CAMTA1: variants seen among roughly 807,000 people sequenced by gnomAD.
The protein encoded by CAMTA1 is calmodulin-binding transcription activator 1.
In CAMTA1, 27 loss-of-function variants were observed where a neutral mutation model predicts 170.9. The observed-to-expected ratio is 0.16, with a 90% confidence interval of 0.12 to 0.22. The LOEUF (loss-of-function observed/expected upper bound fraction) is 0.22, where lower values mean the gene tolerates loss of function less well. Among genes scored for constraint, CAMTA1 ranks in the 10% least tolerant of loss-of-function variants. The pLI, the probability that CAMTA1 is intolerant of heterozygous loss-of-function variation, is 1.00. For missense variants in CAMTA1, 1,619 were observed against 2,217.2 expected (o/e 0.73, Z 5.42); for synonymous variants, 833 against 891.5 (o/e 0.93, Z 1.17).
rs1263076927 is a variant in CAMTA1 at position 7,661,745 on chromosome 1, C to T, written c.684C>T (p.Thr228=). 1 of 1,614,038 alleles carries T rather than the reference C, an allele frequency of 6.2e-7. No individual in the cohort carries two copies. The highest frequency in any genetic ancestry group is 1.7e-5 in the Admixed American group (1 of 60,030). The part of the protein sequence containing the change: ...LKPMFHGIKW[T]CSNGNSSSGF... The stretch of plus-strand genomic sequence containing the variant: ...TCACAGTCCATGGCATCAAGTGGAC[C>T]TGCAGCAATGGGAACAGCAGCTCAG... Residue 228 remains threonine (T), a synonymous_variant, in exon 8 of 23, where the codon ACC becomes ACT. Transcript: ENST00000303635.
intron 5 of CAMTA1, among the ~76,000 whole-genome samples, chr1:7,429,004 A>C (rs2149351303): frequency 6.6e-6 from 1 of 152,334 alleles, no homozygotes; most frequent in South Asian, 2.1e-4. Context: ...AGCACCTCTA[A>C]TGGACGCCTC....
At position 7,738,923 on chromosome 1, in the gene CAMTA1, G is replaced by A. The variant is rs2096790339; in HGVS notation, c.4182+441G>A. On this transcript the variant is annotated intron_variant, in intron 16 of 22. Coordinates refer to ENST00000303635, the MANE Select transcript of CAMTA1 (RefSeq NM_015215.4). This position sits in a 1 kb window ranked among gnomAD's most constrained non-coding sequence, Gnocchi z 4.9. The stretch of plus-strand genomic sequence containing the variant: ...CCTTGATCGGCATAGCTATCATCTA[G>A]CCATTGTAAAGGGCATATATGGCGT... Among the ~76,000 whole-genome samples, 2 of 152,186 alleles carry A rather than the reference G, an allele frequency of 1.3e-5. No individual in the cohort carries two copies. The highest frequency in any genetic ancestry group is 4.8e-5 in the African/African-American group (2 of 41,450).
intron 6 of CAMTA1, among the ~76,000 whole-genome samples, chr1:7,499,860 GTATAT>G (rs1167449039): frequency 6.8e-6 from 1 of 147,252 alleles, no homozygotes. Context: ...GTACATGAGT[GTATAT>G]AGAGGATTGT....
chr1:7,316,804 G>A (rs1677580046), intron 5 of CAMTA1, among the ~76,000 whole-genome samples: 1 of 152,140 alleles, frequency 6.6e-6, no homozygotes, highest in Non-Finnish European at 1.5e-5. Flanking sequence ...AAGATGCTCT[G>A]GGGGAGGCCT....
At chr1:7,118,202 A>G (rs1197693133) in intron 4 of CAMTA1, among the ~76,000 whole-genome samples, 1 of 150,808 alleles carries the variant, frequency 6.6e-6, no homozygotes, top group African/African-American at 2.4e-5. Context: ...TCTTCTTGTC[A>G]CCTGAGGGCA....
chr1:7,090,901 G>A (rs1172544868), intron 3 of CAMTA1, among the ~76,000 whole-genome samples: 1 of 152,218 alleles, frequency 6.6e-6, no homozygotes, highest in African/African-American at 2.4e-5. Flanking sequence ...TGACAGAGAT[G>A]AAAGATTCGT....
chr1:6,830,460 C>T (rs931098398), intron 3 of CAMTA1, among the ~76,000 whole-genome samples: 5 of 151,390 alleles, frequency 3.3e-5, no homozygotes, highest in African/African-American at 1.2e-4. Flanking sequence ...TCTCCTGCCT[C>T]AGCCTCCTGT....
chr1:7,215,066 A>G (rs1452660098), intron 4 of CAMTA1, among the ~76,000 whole-genome samples: 1 of 152,094 alleles, frequency 6.6e-6, no homozygotes, highest in Non-Finnish European at 1.5e-5. Context: ...TGATAACTGT[A>G]GCTATATAAT....
chr1:7,545,137 T>C (rs2094673306), intron 6 of CAMTA1, among the ~76,000 whole-genome samples: 2 of 152,334 alleles, frequency 1.3e-5, no homozygotes, highest in Non-Finnish European at 2.9e-5. Context: ...GCTTATGCCG[T>C]TATTTTTGTT....
chr1:7,655,363 C>A (rs1266865098), intron 7 of CAMTA1, among the ~76,000 whole-genome samples: 1 of 149,886 alleles, frequency 6.7e-6, no homozygotes, highest in Non-Finnish European at 1.5e-5. Flanking sequence ...CTTAAACAAA[C>A]ACACCCACCT....
At chr1:7,550,204 T>A (rs2094780028) in intron 6 of CAMTA1, among the ~76,000 whole-genome samples, 1 of 152,080 alleles carries the variant, frequency 6.6e-6, no homozygotes, top group African/African-American at 2.4e-5. Flanking sequence ...AATCCACAGC[T>A]CCCAGAGTGG....
intron 3 of CAMTA1, among the ~76,000 whole-genome samples, chr1:6,835,739 A>G (rs553610317): frequency 6.6e-6 from 1 of 152,336 alleles, no homozygotes; most frequent in Admixed American, 6.5e-5. Context: ...CTTTGGCTAC[A>G]TAGGTTACAG....
At chr1:7,058,169 C>G (rs560610447) in intron 3 of CAMTA1, among the ~76,000 whole-genome samples, 1 of 150,188 alleles carries the variant, frequency 6.7e-6, no homozygotes, top group African/African-American at 2.4e-5. Context: ...CCCCAGCACC[C>G]CGCATCACGA....
chr1:6,930,168 G>A (rs1324502766), intron 3 of CAMTA1, among the ~76,000 whole-genome samples: 3 of 152,234 alleles, frequency 2.0e-5, no homozygotes, highest in African/African-American at 4.8e-5. Flanking sequence ...CTGCCCAGAC[G>A]CCCTCTCCTG....
intron 5 of CAMTA1, among the ~76,000 whole-genome samples, chr1:7,355,870 G>A (rs1196460986): frequency 1.3e-5 from 2 of 152,200 alleles, no homozygotes; most frequent in Non-Finnish European, 2.9e-5. Context: ...CAGGGCCTTT[G>A]CACATGCTTT....
At chr1:7,053,837 TGTGAATGAATGA>T (rs1386019384) in intron 3 of CAMTA1, among the ~76,000 whole-genome samples, 18 of 152,348 alleles carry the variant, frequency 1.2e-4, no homozygotes, top group Non-Finnish European at 4.4e-5. Context: ...AGCATGTCTC[TGTGAATGAATGA>T]GTGAATGAAT....
At chr1:6,949,279 C>CCA in intron 3 of CAMTA1, among the ~76,000 whole-genome samples, 1 of 152,236 alleles carries the variant, frequency 6.6e-6, no homozygotes, top group Non-Finnish European at 1.5e-5. Context: ...TTCAGAGTTT[C>CCA]TAGCAGATAG....
In CAMTA1 at chr1:7,249,719, C is replaced by A; in HGVS notation, c.438+93C>A. ...GCTTGGAGTAATTTGATGCGAGTCA[C>A]CTCTGTCCAAAGAATTTTTGTTTGC... On this transcript the variant is annotated intron_variant, in intron 5 of 22. Coordinates refer to ENST00000303635, the MANE Select transcript of CAMTA1 (RefSeq NM_015215.4). The surrounding 1 kb of genome is among the most constrained non-coding windows in gnomAD (Gnocchi z 4.4). The A allele has an allele frequency of 1.4e-6, 2 of 1,425,414 alleles. No homozygotes were observed. The highest frequency in any genetic ancestry group is 1.4e-5 in the South Asian group (1 of 69,778). 88.3% of individuals were successfully genotyped at this position (1,425,414 alleles called of 1,614,324 possible). A position where few individuals can be genotyped will look rare whatever the true frequency, so the allele number is the denominator to read the frequency against.
Position 6,891,185 on chromosome 1 carries a change from T to C in CAMTA1, c.234+65975T>C, listed in dbSNP as rs184559051. Among the ~76,000 whole-genome samples the C allele has an allele frequency of 4.6e-5, 7 of 152,272 alleles. No homozygotes were observed. The East Asian group carries it at 1.3e-3, about 29-fold the overall frequency. ...AAAAAGGAACTTCATTTGACAATAA[T>C]CCCATATTTATAATGAAGTTGCTAA... On this transcript the variant is annotated intron_variant, in intron 3 of 22. Coordinates refer to ENST00000303635, the MANE Select transcript of CAMTA1 (RefSeq NM_015215.4).
Sources: gnomAD v4.1 joint callset for allele counts (sites outside exome capture counted in the v4.1 genomes callset) on GRCh38, gnomAD v4.1.1 for gene constraint, Gnocchi (gnomAD v3.1) non-coding constraint, MANE v1.5 for transcripts, NCBI Gene and HGNC (gene_info 2026-07-23, HGNC 2026-07-21) for gene names.